ZNF19: variants seen among roughly 807,000 people sequenced by gnomAD.
ZNF19 encodes zinc finger protein 19 (KOX 12).
ZNF19 carries 11 observed loss-of-function variants against 13.1 expected under a neutral mutation model. The ratio of observed to expected loss-of-function variants is 0.84; its 90% confidence interval spans 0.53 to 1.39. The LOEUF is 1.39. ZNF19 is among the 40% of genes most tolerant of loss of function. ZNF19 has a pLI of 0.00. For missense variants in ZNF19, 560 were observed against 547.0 expected (o/e 1.02, Z -0.24); for synonymous variants, 186 against 187.0 (o/e 0.99, Z 0.04).
intron 4 of ZNF19, chr16:71,478,613 C>T: frequency 1.5e-6 from 1 of 658,968 alleles, no homozygotes; most frequent in Non-Finnish European, 2.7e-6. Flanking sequence ...CTACTTATTC[C>T]TTACTGTGCA....
intron 1 of ZNF19, among the ~76,000 whole-genome samples, chr16:71,488,834 A>C (rs958772910): frequency 2.0e-5 from 3 of 152,206 alleles, no homozygotes; most frequent in African/African-American, 7.2e-5. Flanking sequence ...AAACATAAAA[A>C]CACTATGGGA....
chr16:71,478,016 A>G, intron 5 of ZNF19: 1 of 508,386 alleles, frequency 2.0e-6, no homozygotes, highest in East Asian at 3.3e-5. Flanking sequence ...CAATGTTGAA[A>G]CTCAGAAAGG....
chr16:71,482,238 T>TTA, intron 2 of ZNF19, 95 bp from the exon 3 acceptor site: 1 of 1,110,786 alleles, frequency 9.0e-7, no homozygotes, highest in Non-Finnish European at 1.3e-6. Flanking sequence ...CAGCATTCAC[T>TTA]TACTAAATGC....
chr16:71,478,297 C>CT lies in ZNF19; in HGVS notation c.204dup (p.Gly69ArgfsTer12). On this transcript the variant is annotated frameshift_variant, in exon 5 of 6. Coordinates refer to ENST00000288177, the MANE Select transcript of ZNF19 (RefSeq NM_006961.4). LOFTEE classifies it high-confidence loss of function. ...GCTTCCAGGCCCCAAGCCATGTCCC[C>CT]TCTCTCCAAAAGTGAGATCAGTGCA... The CT allele has an allele frequency of 3.1e-6, 5 of 1,614,088 alleles. No individual in the cohort carries two copies. The highest frequency in any genetic ancestry group is 4.2e-6 in the Non-Finnish European group (5 of 1,180,028).
At chr16:71,485,424 T>C (rs1177435169) in intron 1 of ZNF19, among the ~76,000 whole-genome samples, 2 of 137,122 alleles carry the variant, frequency 1.5e-5, no homozygotes, top group African/African-American at 5.6e-5. Context: ...CACTCCAGCC[T>C]GGGCGACAAA....
intron 1 of ZNF19, among the ~76,000 whole-genome samples, chr16:71,485,775 A>G (rs13337117): frequency 0.061 from 9,209 of 152,198 alleles, 904 homozygotes; most frequent in African/African-American, 0.21. Context: ...CATACAATTC[A>G]TCAATGCAGA....
Position 71,476,021 on chromosome 16 carries a change from A to G in ZNF19, c.526T>C (p.Tyr176His). The stretch of plus-strand genomic sequence containing the variant: ...GTGTGGATTCTCTGGTGTCTAGCAT[A>G]GTAAGAAAAGTAGCTGAAGGATTTC... ...CGKSFSYFSYYARHQRIHTGE... is the reference protein window; with the variant it reads ...CGKSFSYFSYHARHQRIHTGE... Residue 176 changes from tyrosine to histidine, a missense_variant, in exon 6 of 6, where the codon TAT becomes CAT. Transcript: ENST00000288177. The G allele has an allele frequency of 1.2e-6, 2 of 1,614,060 alleles. No homozygotes were observed. The highest frequency in any genetic ancestry group is 1.7e-6 in the Non-Finnish European group (2 of 1,179,976).
chr16:71,476,906 A>G (rs564711598), intron 5 of ZNF19, among the ~76,000 whole-genome samples: 1 of 152,344 alleles, frequency 6.6e-6, no homozygotes, highest in African/African-American at 2.4e-5. Flanking sequence ...GAAACGCCCT[A>G]AAACTGCTGA....
At chr16:71,482,241 C>T in intron 2 of ZNF19, 98 bp from the exon 3 acceptor site, 11 of 1,068,336 alleles carry the variant, frequency 1.0e-5, no homozygotes, top group Non-Finnish European at 1.4e-5. Context: ...CATTCACTTA[C>T]TAAATGCTCA....
At chr16:71,488,914 G>A (rs1040431809) in intron 1 of ZNF19, 2 of 152,298 alleles carry the variant, frequency 1.3e-5, no homozygotes, top group Admixed American at 6.5e-5. Context: ...GCAACTGCAA[G>A]AGCCTTGGTT....
At position 71,484,979 on chromosome 16, in the gene ZNF19, CTT is replaced by C. The variant is rs1332905485; in HGVS notation, c.-189-233_-189-232del. Among the ~76,000 whole-genome samples, 4 of 152,154 alleles carry C rather than the reference CTT, an allele frequency of 2.6e-5. No homozygotes were observed. In the South Asian group the frequency reaches 8.3e-4, roughly 32 times the overall value. Reference sequence around the variant, plus strand: ...TGTTGTTATCGGGCCCACCTCAAGTCTTGTCATTACATTTCATCACGTTGGTA... The same window carrying C: ...TGTTGTTATCGGGCCCACCTCAAGTCGTCATTACATTTCATCACGTTGGTA... On this transcript the variant is annotated intron_variant, in intron 1 of 5. Transcript: ENST00000288177.
rs891639414 is a variant in ZNF19, at chr16:71,474,052, A to G, written c.*1118T>C. ...ACCCAGGTGCTAGACGCAGTAAGCA[A>G]TTAAGTCTGGAATTGGGTAGGGAGA... On this transcript the variant is annotated 3_prime_UTR_variant, in exon 6 of 6. Transcript: ENST00000288177. The G allele has an allele frequency of 6.6e-6, 1 of 152,244 alleles. No homozygotes were observed. 9.4% of individuals were successfully genotyped at this position (152,244 alleles called of 1,614,324 possible).
rs1381143804 is a variant in ZNF19 at position 71,474,976 on chromosome 16, G to A, written c.*194C>T. 1 of 658,790 alleles carries A rather than the reference G, an allele frequency of 1.5e-6. No homozygotes were observed. Among genetic ancestry groups the A allele is most frequent in the Non-Finnish European group, 2.5e-6 (1 of 402,932 alleles). 40.8% of individuals were successfully genotyped at this position (658,790 alleles called of 1,614,324 possible). On this transcript the variant is annotated 3_prime_UTR_variant, in exon 6 of 6. Coordinates refer to ENST00000288177, the MANE Select transcript of ZNF19 (RefSeq NM_006961.4). ...GCATTAAAACCAATGGGGGTGGGCG[G>A]GGGGAGAGTATTTGTTCCTATTAGC... is the stretch of plus-strand genomic sequence containing the variant.
rs751829149 is a variant in ZNF19 at position 71,475,551 on chromosome 16, T to C, written c.996A>G (p.Lys332=). The change falls in exon 6 of 6, where the codon AAA becomes AAG. Residue 332 remains lysine (K), a synonymous_variant. Coordinates refer to ENST00000288177, the MANE Select transcript of ZNF19 (RefSeq NM_006961.4). ...IHTGEKPYSC[K]VCGQAFNFHT... The stretch of plus-strand genomic sequence containing the variant: ...GAAAATTGAAGGCTTGTCCACATAC[T>C]TTACAAGAATAAGGCTTTTCCCCTG... The C allele has an allele frequency of 2.5e-6, 4 of 1,613,966 alleles. No individual in the cohort carries two copies. In the South Asian group the frequency reaches 4.4e-5, roughly 18 times the overall value.
chr16:71,482,667 C>A (rs1244089432), intron 2 of ZNF19, among the ~76,000 whole-genome samples: 3 of 152,086 alleles, frequency 2.0e-5, no homozygotes, highest in Non-Finnish European at 4.4e-5. Flanking sequence ...TCGGATCCCA[C>A]ACTAGATCTG....
At chr16:71,487,655 T>C (rs2043688643) in intron 1 of ZNF19, among the ~76,000 whole-genome samples, 1 of 152,210 alleles carries the variant, frequency 6.6e-6, no homozygotes, top group Non-Finnish European at 1.5e-5. Flanking sequence ...ACAGTATCTT[T>C]AACTGAAGCT....
intron 2 of ZNF19, among the ~76,000 whole-genome samples, chr16:71,482,910 C>G (rs1241078082): frequency 6.6e-6 from 1 of 152,186 alleles, no homozygotes; most frequent in Non-Finnish European, 1.5e-5. Flanking sequence ...TCATATTGCC[C>G]AGACTAGTCC....
At position 71,473,901 on chromosome 16, in the gene ZNF19, T is replaced by C. The variant is rs1361002323; in HGVS notation, c.*1269A>G. On this transcript the variant is annotated 3_prime_UTR_variant, in exon 6 of 6. Transcript: ENST00000288177. ...CCTGGCTGACTCATGCATTTTTATG[T>C]TTGTGTTATACTTCAATTAAAAGGT... is the stretch of plus-strand genomic sequence containing the variant. 6.6e-6 allele frequency: 1 copy of C among 152,226 alleles called. No homozygotes were observed. The highest frequency in any genetic ancestry group is 1.5e-5 in the Non-Finnish European group (1 of 68,060). 9.4% of individuals were successfully genotyped at this position (152,226 alleles called of 1,614,324 possible). A position where few individuals can be genotyped will look rare whatever the true frequency, so the allele number is the denominator to read the frequency against.
Position 71,475,856 on chromosome 16 carries a change from T to C in ZNF19, c.691A>G (p.Asn231Asp), listed in dbSNP as rs147699542. Residue 231 changes from asparagine (N) to aspartate (D), a missense_variant, in exon 6 of 6, where the codon AAT becomes GAT. Physicochemically the swap from Asn to Asp is conservative, Grantham distance 23 (BLOSUM62 1). Transcript: ENST00000288177. ...ECGRAFNDNANLIRHQRIHSG... is the reference protein window; with the variant it reads ...ECGRAFNDNADLIRHQRIHSG... ...TGGATTCTCTGATGCCTGATCAGAT[T>C]TGCATTATCATTAAAGGCTCGCCCA... is the stretch of plus-strand genomic sequence containing the variant. 6.9e-5 allele frequency: 111 copies of C among 1,612,978 alleles called. No individual in the cohort carries two copies. Among genetic ancestry groups the C allele is most frequent in the Non-Finnish European group, 8.8e-5 (104 of 1,179,468 alleles).
Sources: allele counts gnomAD v4.1 joint callset (sites outside exome capture counted in the v4.1 genomes callset), GRCh38; gene constraint gnomAD v4.1.1; transcripts MANE v1.5; gene names NCBI Gene and HGNC (gene_info 2026-07-23, HGNC 2026-07-21).